Variants in DST observed in about 807,000 individuals in gnomAD.
DST encodes the protein dystonin, also known as bullous pemphigoid antigen.
Under a neutral mutation model 875.2 loss-of-function variants are expected in DST, and 253 were observed. The ratio of observed to expected loss-of-function variants is 0.29; its 90% CI spans 0.26 to 0.32. The LOEUF is 0.32. Ranked by LOEUF, DST falls within the 10% of genes least tolerant of loss-of-function variation. The pLI is 1.00. For synonymous variants in DST, 3,124 were observed against 3,197.1 expected (o/e 0.98, Z 0.77); for missense variants, 8,287 against 9,111.6 (o/e 0.91, Z 3.68).
chr6:56,616,806 A>AAAATGACAATGTGGGAT, intron 36 of DST: 3 of 1,614,180 alleles, frequency 1.9e-6, no homozygotes, highest in Non-Finnish European at 2.5e-6. Context: ...GTCTTAGAAG[A>AAAATGACAATGTGGGAT]ATAAGAATAT....
At position 56,616,863 on chromosome 6, in the gene DST, G is replaced by T. The variant is rs774240712; in HGVS notation, c.4930-2379C>A. The T allele has an allele frequency of 6.2e-7, 1 of 1,613,890 alleles. No homozygotes were observed. Among genetic ancestry groups the T allele is most frequent in the Non-Finnish European group, 8.5e-7 (1 of 1,179,986 alleles). ...TCAAGAAGCCTAATTCTGAATTCGG[G>T]GTCAACAACTCCTTTAAGAACTGCA... On this transcript the variant is annotated intron_variant, in intron 36 of 103. Coordinates refer to ENST00000680361, the MANE Select transcript of DST (RefSeq NM_001374736.1).
At chr6:56,782,743 C>T (rs1021696834) in intron 4 of DST, among the ~76,000 whole-genome samples, 19 of 151,822 alleles carry the variant, frequency 1.3e-4, no homozygotes, top group African/African-American at 2.7e-4. Context: ...CTCTGATTTT[C>T]GTTATTTCTT....
At chr6:56,814,621 G>A (rs1489670350) in intron 4 of DST, among the ~76,000 whole-genome samples, 1 of 152,128 alleles carries the variant, frequency 6.6e-6, no homozygotes, top group Non-Finnish European at 1.5e-5. Flanking sequence ...GCAAGTTACA[G>A]CTGTGCTTTC....
At position 56,640,291 on chromosome 6, in the gene DST, C is replaced by A; in HGVS notation, c.2342G>T (p.Gly781Val). 6.2e-7 allele frequency: 1 copy of A among 1,614,124 alleles called. No individual in the cohort carries two copies. The highest frequency in any genetic ancestry group is 8.5e-7 in the Non-Finnish European group (1 of 1,180,020). Reference protein sequence around the residue: ...PSGLVPNFSSGVEPNSLQTLK... With the variant: ...PSGLVPNFSSVVEPNSLQTLK... ...AGTTTGCAATGAATTTGGCTCTACT[C>A]CTGAACTGAAATTTGGAACTAATCC... is the stretch of plus-strand genomic sequence containing the variant. Residue 781 changes from glycine (G) to valine (V), a missense_variant, in exon 18 of 104, where the codon GGA (glycine) becomes GTA (valine). This residue lies in a region of DST where 1,160 missense variants were observed against 1,424.3 expected (regional missense o/e 0.81). Coordinates refer to ENST00000680361, the MANE Select transcript of DST (RefSeq NM_001374736.1).
intron 91 of DST, 101 bp downstream of exon 91, chr6:56,477,244 A>G: frequency 1.5e-6 from 2 of 1,316,550 alleles, no homozygotes; most frequent in East Asian, 2.5e-5. Context: ...TAGAGGTCTC[A>G]TTTTCCCATG....
chr6:56,642,713 C>G lies in DST; in HGVS notation c.1779-210G>C, dbSNP rs531151277. 4.8e-5 allele frequency: 77 copies of G among 1,614,140 alleles called. 1 individual carries two copies. In the South Asian group the frequency reaches 7.9e-4, roughly 17 times the overall value. On this transcript the variant is annotated intron_variant, in intron 15 of 103. Coordinates refer to ENST00000680361, the MANE Select transcript of DST (RefSeq NM_001374736.1). ...ACCAAGAGAAGATTTTCATTTGAAT[C>G]AAGACTGGTTCGAGTGCTGGTAGTG...
intron 89 of DST, 197 bp from the exon 90 acceptor site, chr6:56,482,375 C>A: frequency 1.5e-6 from 1 of 667,076 alleles, no homozygotes; most frequent in Non-Finnish European, 2.2e-6. Flanking sequence ...AAAAAAAAAG[C>A]CTATATGAAG....
At chr6:56,615,446 T>C (rs1371080982) in intron 36 of DST, 4 of 1,607,638 alleles carry the variant, frequency 2.5e-6, no homozygotes, top group African/African-American at 2.7e-5. Flanking sequence ...GTAGCCGATA[T>C]CATCATACTC....
At chr6:56,696,700 C>T (rs2099266062) in intron 9 of DST, among the ~76,000 whole-genome samples, 1 of 152,140 alleles carries the variant, frequency 6.6e-6, no homozygotes. Flanking sequence ...AAACTATTGA[C>T]CTCTACTCCA....
rs1371736075 is a variant in DST, at chr6:56,578,844, G to A, written c.12997C>T (p.Pro4333Ser). The A allele has an allele frequency of 1.9e-6, 3 of 1,611,792 alleles. No homozygotes were observed. The highest frequency in any genetic ancestry group is 2.7e-5 in the African/African-American group (2 of 74,868). Residue 4333 changes from proline to serine, a missense_variant, in exon 50 of 104, where the codon CCA (proline) becomes TCA (serine). Physicochemically the swap from Pro to Ser is moderately conservative, Grantham distance 74. Transcript: ENST00000680361. ...GTTTTCTGGATATCATTCTTGGCTG[G>A]AAGTAAAGATCCCCTGGCATCTAAA... is the stretch of plus-strand genomic sequence containing the variant. ...VLLDARGSLL[P>S]AKNDIQKTLD...
chr6:56,621,253 C>A (rs1586888813), intron 36 of DST, among the ~76,000 whole-genome samples: 1 of 152,044 alleles, frequency 6.6e-6, no homozygotes, highest in East Asian at 1.9e-4. Flanking sequence ...GTTAAAAAAA[C>A]AAAGCACAGA....
intron 10 of DST, among the ~76,000 whole-genome samples, chr6:56,661,258 A>G (rs1365522443): frequency 1.3e-5 from 2 of 152,222 alleles, no homozygotes; most frequent in Non-Finnish European, 2.9e-5. Context: ...TCAAAATACA[A>G]GAAGTGTTAA....
Position 56,568,411 on chromosome 6 carries a change from A to T in DST, c.14005+58T>A, listed in dbSNP as rs2097719540. On this transcript the variant is annotated intron_variant, in intron 55 of 103. Transcript: ENST00000680361. ...TAATTTAAAAAATAACATACACAAA[A>T]TTGACATGAGTAAACCTGATTCTTA... The T allele has an allele frequency of 2.0e-6, 3 of 1,537,308 alleles. No homozygotes were observed. In the Admixed American group the frequency reaches 6.8e-5, roughly 35 times the overall value.
intron 4 of DST, among the ~76,000 whole-genome samples, chr6:56,739,330 G>T (rs995065486): frequency 1.3e-5 from 2 of 151,974 alleles, no homozygotes; most frequent in Non-Finnish European, 2.9e-5. Flanking sequence ...AGTTCAAAAT[G>T]AACCTAAATT....
At chr6:56,536,071 A>G (rs571927231) in intron 62 of DST, among the ~76,000 whole-genome samples, 6 of 152,384 alleles carry the variant, frequency 3.9e-5, no homozygotes, top group Non-Finnish European at 8.8e-5. Context: ...AAACAACAAG[A>G]GTAACCACCA....
chr6:56,947,408 A>C (rs1198572931), intron 2 of DST, among the ~76,000 whole-genome samples: 5 of 151,588 alleles, frequency 3.3e-5, no homozygotes, highest in Admixed American at 2.6e-4. Context: ...GCGCCACCAC[A>C]CCCAGCTAAT....
At chr6:56,595,589 G>A (rs2098361227) in intron 47 of DST, among the ~76,000 whole-genome samples, 1 of 152,150 alleles carries the variant, frequency 6.6e-6, no homozygotes, top group Non-Finnish European at 1.5e-5. Flanking sequence ...TTCCTTAGAA[G>A]CACTGCTATG....
chr6:56,482,852 C>A lies in DST; in HGVS notation c.21233G>T (p.Arg7078Met). The change falls in exon 89 of 104, where the codon AGG becomes ATG. Residue 7078 changes from arginine to methionine, a missense_variant. Transcript: ENST00000680361. The part of the protein sequence containing the change: ...HKAFQKELGK[R>M]TSSVQALKRS... The stretch of plus-strand genomic sequence containing the variant: ...CTTCAGGGCCTGCACACTGCTGGTC[C>A]TCTTCCCCAACTCTTTTTGGAAGGC... The A allele has an allele frequency of 6.4e-7, 1 of 1,571,542 alleles. No homozygotes were observed. Among genetic ancestry groups the A allele is most frequent in the Non-Finnish European group, 8.6e-7 (1 of 1,158,326 alleles).
chr6:56,494,404 A>G (rs1033503398), intron 82 of DST, among the ~76,000 whole-genome samples: 1 of 152,168 alleles, frequency 6.6e-6, no homozygotes, highest in African/African-American at 2.4e-5. Context: ...TATCATTATC[A>G]GCCCATTCTG....
Sources: allele counts gnomAD v4.1 joint callset (sites outside exome capture counted in the v4.1 genomes callset), GRCh38; gene constraint gnomAD v4.1.1; regional missense constraint gnomAD v4.1.1; transcripts MANE v1.5; gene names NCBI Gene and HGNC (gene_info 2026-07-23, HGNC 2026-07-21).